The following MTOR variants were observed in gnomAD, a reference collection of about 807,000 sequenced individuals.
MTOR encodes the protein mechanistic target of rapamycin kinase, also known as serine/threonine-protein kinase mTOR.
A neutral mutation model predicts 319.8 loss-of-function variants in MTOR; 70 were observed. The observed-to-expected ratio is 0.22, with a 90% CI of 0.18 to 0.27. The LOEUF is 0.27. Among genes scored for constraint, MTOR ranks in the 10% least tolerant of loss-of-function variants. The probability of loss-of-function intolerance (pLI) is 1.00; values close to 1 mark genes in which losing one functional copy is unlikely to be tolerated. For synonymous variants in MTOR, 1,183 were observed against 1,211.4 expected, an observed-to-expected ratio of 0.98 and a Z score of 0.49; for missense variants, 1,890 against 3,274.4, an observed-to-expected ratio of 0.58 and a Z score of 10.32.
chr1:11,241,311 ACC>A (rs796948564), intron 10 of MTOR, among the ~76,000 whole-genome samples: 18 of 128,448 alleles, frequency 1.4e-4, no homozygotes, highest in African/African-American at 5.0e-4. Flanking sequence ...ACAGAGCGAG[ACC>A]CCTTCTCAAA....
chr1:11,151,624 G>A (rs552292423), intron 30 of MTOR, among the ~76,000 whole-genome samples: 25 of 152,326 alleles, frequency 1.6e-4, no homozygotes, highest in African/African-American at 6.0e-4. Context: ...AAGTTTCTAT[G>A]TGACGCCAAA....
chr1:11,231,202 C>G, intron 17 of MTOR, 98 bp downstream of exon 17: 1 of 1,585,160 alleles, frequency 6.3e-7, no homozygotes. Context: ...GACAGGAAGT[C>G]TGACTGACAC....
chr1:11,240,446 A>G lies in MTOR; in HGVS notation c.1643T>C (p.Met548Thr). 3 of 1,614,250 alleles carry G rather than the reference A, an allele frequency of 1.9e-6. No individual in the cohort carries two copies. The highest frequency in any genetic ancestry group is 2.5e-6 in the Non-Finnish European group (3 of 1,180,048). ...GLLKMLSLVL[M>T]HKPLRHPGMP... is the part of the protein sequence containing the mutation. ...GCCTGGGTGGCGAAGGGGTTTGTGC[A>G]TAAGGACCAGGGACAGCATTTTCAG... Residue 548 changes from methionine (M) to threonine (T), a missense_variant, in exon 11 of 58, where the codon ATG becomes ACG. Coordinates refer to ENST00000361445, the MANE Select transcript of MTOR (RefSeq NM_004958.4).
intron 29 of MTOR, among the ~76,000 whole-genome samples, chr1:11,157,572 A>C (rs889261332): frequency 2.0e-5 from 3 of 152,222 alleles, no homozygotes; most frequent in Non-Finnish European, 4.4e-5. Context: ...CTTCCCAGAC[A>C]CATGGGTCAT....
intron 28 of MTOR, chr1:11,192,443 G>A: frequency 1.6e-6 from 2 of 1,277,412 alleles, no homozygotes; most frequent in East Asian, 2.3e-5. Context: ...ACAACAACAG[G>A]GCCATTCACA....
intron 29 of MTOR, 151 bp from the exon 30 acceptor site, chr1:11,157,442 G>A: frequency 2.1e-6 from 2 of 969,728 alleles, no homozygotes; most frequent in Non-Finnish European, 2.9e-6. Context: ...AACAACTTCA[G>A]ACAATCTGGA....
intron 30 of MTOR, among the ~76,000 whole-genome samples, chr1:11,156,882 A>G (rs1455465455): frequency 6.6e-6 from 1 of 152,212 alleles, no homozygotes; most frequent in African/African-American, 2.4e-5. Flanking sequence ...TCAGGAGAGT[A>G]GACAGGAGAA....
In MTOR at chr1:11,109,051, A is replaced by G. The variant is rs1641723966; in HGVS notation, c.7528+239T>C. On this transcript the variant is annotated intron_variant, in intron 56 of 57. Transcript: ENST00000361445. This position sits in a 1 kb window ranked among gnomAD's most constrained non-coding sequence, Gnocchi z 4.0. The stretch of plus-strand genomic sequence containing the variant: ...TGAATTTGGCTGATTTTGGACCCAA[A>G]AGAAATTTATTCACCTCCTGAGTTA... 6.6e-6 allele frequency among the ~76,000 whole-genome samples: 1 copy of G among 152,224 alleles called. No homozygotes were observed. Among genetic ancestry groups the G allele is most frequent in the African/African-American group, 2.4e-5 (1 of 41,466 alleles).
chr1:11,233,735 A>T (rs11121703), intron 14 of MTOR, among the ~76,000 whole-genome samples: 1 of 152,006 alleles, frequency 6.6e-6, no homozygotes, highest in East Asian at 1.9e-4. Flanking sequence ...CTCTAAACCG[A>T]GTCTCAGTGA....
chr1:11,201,331 G>A (rs1645962215), intron 26 of MTOR, among the ~76,000 whole-genome samples: 1 of 152,170 alleles, frequency 6.6e-6, no homozygotes, highest in Admixed American at 6.5e-5. Context: ...AAATACATCA[G>A]CTGAGTACAT....
At position 11,144,683 on chromosome 1, in the gene MTOR, C is replaced by T. The variant is rs1349787033; in HGVS notation, c.4837G>A (p.Glu1613Lys). ...TCCCACCAGATCTGGCGGATGATCTCTCGTCGCTCGGGGACAAGTTTGTAC... is the reference window on the plus strand; with the variant it reads ...TCCCACCAGATCTGGCGGATGATCTTTCGTCGCTCGGGGACAAGTTTGTAC... The part of the protein sequence containing the change: ...IQYKLVPERR[E>K]IIRQIWWERL... The change falls in exon 34 of 58, where the codon GAG becomes AAG. Residue 1613 changes from glutamate (E) to lysine (K), a missense_variant. Physicochemically the swap from Glu to Lys is moderately conservative, Grantham distance 56. Transcript: ENST00000361445. The T allele has an allele frequency of 4.3e-5, 70 of 1,614,174 alleles. No individual in the cohort carries two copies. The highest frequency in any genetic ancestry group is 5.6e-5 in the Non-Finnish European group (66 of 1,180,032).
intron 8 of MTOR, among the ~76,000 whole-genome samples, chr1:11,244,524 G>A (rs6683730): frequency 0.06 from 8,986 of 150,388 alleles, 376 homozygotes; most frequent in South Asian, 0.13. Context: ...CCAGCTACTC[G>A]GAAGGCTGAC....
chr1:11,218,018 C>T lies in MTOR; in HGVS notation c.3031-1784G>A, dbSNP rs145756491. On this transcript the variant is annotated intron_variant, in intron 19 of 57. Transcript: ENST00000361445. ...ATTACAGCCTGGTCCCCATGTGGCA[C>T]ACATTTGACTCAGTAGGCTCATTTC... is the stretch of plus-strand genomic sequence containing the variant. Among the ~76,000 whole-genome samples, 502 of 152,290 alleles carry T rather than the reference C, an allele frequency of 3.3e-3. 2 individuals carry two copies. The highest frequency in any genetic ancestry group is 0.011 in the African/African-American group (472 of 41,554).
intron 47 of MTOR, among the ~76,000 whole-genome samples, chr1:11,124,083 C>T (rs537690599): frequency 2.0e-5 from 3 of 152,338 alleles, no homozygotes; most frequent in South Asian, 2.1e-4. Context: ...CCACCGTGCC[C>T]GGTCACCTTT....
chr1:11,112,045 A>G (rs991456326), intron 54 of MTOR, among the ~76,000 whole-genome samples: 2 of 152,306 alleles, frequency 1.3e-5, no homozygotes, highest in East Asian at 3.9e-4. Context: ...AAATAAAATA[A>G]AAGTTAAACA....
intron 10 of MTOR, 64 bp from the exon 11 acceptor site, chr1:11,240,611 G>C (rs745531253): frequency 1.9e-5 from 30 of 1,555,038 alleles, no homozygotes; most frequent in Non-Finnish European, 2.5e-5. Context: ...TTCTTGGGAA[G>C]AAACAGCTTT....
Position 11,251,323 on chromosome 1 carries a change from C to T in MTOR, c.840+2516G>A, listed in dbSNP as rs149957633. 2.3e-3 allele frequency among the ~76,000 whole-genome samples: 357 copies of T among 152,312 alleles called. 6 individuals carry two copies. Among genetic ancestry groups the T allele is most frequent in the African/African-American group, 8.1e-3 (336 of 41,570 alleles). On this transcript the variant is annotated intron_variant, in intron 6 of 57. Transcript: ENST00000361445. ...GACCACTGCCTAGAATGCTCTTCCC[C>T]AGATACCTGTAGGGCTTTTTTCTAA...
intron 10 of MTOR, 36 bp from the exon 11 acceptor site, chr1:11,240,583 C>A: frequency 6.2e-7 from 1 of 1,600,464 alleles, no homozygotes; most frequent in South Asian, 1.1e-5. Flanking sequence ...AAGGGCTGGG[C>A]ACATGACACT....
In MTOR at chr1:11,231,920, A is replaced by G. The variant is rs1345889451; in HGVS notation, c.2515-486T>C. On this transcript the variant is annotated intron_variant, in intron 16 of 57. Coordinates refer to ENST00000361445, the MANE Select transcript of MTOR (RefSeq NM_004958.4). ...TTTTTTTTAGTAGAGACAAAGTCTCATCATGCCCAGGTTGCTCTCGCTCTG... is the reference window on the plus strand; with the variant it reads ...TTTTTTTTAGTAGAGACAAAGTCTCGTCATGCCCAGGTTGCTCTCGCTCTG... Among the ~76,000 whole-genome samples the G allele has an allele frequency of 3.3e-5, 5 of 152,106 alleles. No individual in the cohort carries two copies. The East Asian group carries it at 9.7e-4, about 29-fold the overall frequency.
Sources: gnomAD v4.1 joint callset for allele counts (sites outside exome capture counted in the v4.1 genomes callset) on GRCh38, gnomAD v4.1.1 for gene constraint, Gnocchi (gnomAD v3.1) non-coding constraint, MANE v1.5 for transcripts, NCBI Gene and HGNC (gene_info 2026-07-23, HGNC 2026-07-21) for gene names.